SPATS2: variants seen among roughly 807,000 people sequenced by gnomAD.
The protein encoded by SPATS2 is spermatogenesis associated serine rich 2.
A neutral mutation model predicts 63.7 loss-of-function variants in SPATS2; 38 were observed. The observed-to-expected ratio is 0.60, with a 90% confidence interval of 0.46 to 0.78. SPATS2 has a LOEUF of 0.78. Among genes scored for constraint, SPATS2 ranks in the 30% least tolerant of loss-of-function variants. The pLI is 0.00. For synonymous variants in SPATS2, 207 were observed against 232.9 expected (o/e 0.89, Z 1.01); for missense variants, 588 against 666.2 (o/e 0.88, Z 1.29).
At chr12:49,392,318 A>G (rs1944432064) in intron 2 of SPATS2, among the ~76,000 whole-genome samples, 1 of 151,990 alleles carries the variant, frequency 6.6e-6, no homozygotes, top group Admixed American at 6.6e-5. Context: ...TTTTATTATT[A>G]AAGATGAGTG....
intron 4 of SPATS2, 88 bp from the exon 5 acceptor site, chr12:49,489,377 A>G (rs1038235280): frequency 5.4e-6 from 5 of 923,370 alleles, no homozygotes; most frequent in Non-Finnish European, 8.3e-6. Flanking sequence ...AAAATGAAAT[A>G]TCACTCTTTT....
At chr12:49,511,387 C>A (rs1946751514) in intron 9 of SPATS2, among the ~76,000 whole-genome samples, 1 of 151,916 alleles carries the variant, frequency 6.6e-6, no homozygotes, top group African/African-American at 2.4e-5. Context: ...CTGAATAAGG[C>A]CCAGGCTTAA....
At chr12:49,438,385 T>G (rs1436869028) in intron 2 of SPATS2, among the ~76,000 whole-genome samples, 1 of 152,252 alleles carries the variant, frequency 6.6e-6, no homozygotes, top group Non-Finnish European at 1.5e-5. Context: ...CTATTATGAA[T>G]AAAGCTGCTG....
At position 49,514,627 on chromosome 12, in the gene SPATS2, T is replaced by A; in HGVS notation, c.898+14T>A. 1 of 1,611,956 alleles carries A rather than the reference T, an allele frequency of 6.2e-7. No homozygotes were observed. On this transcript the variant is annotated intron_variant, in intron 10 of 13. Transcript: ENST00000552918. ...AAGCTGAAGCAAGTAAGATGATTGA[T>A]CTTTAATTAAAGCTATTACCTTCAT...
At chr12:49,525,880 A>G (rs1565766191) in intron 13 of SPATS2, 64 bp from the exon 14 acceptor site, 6 of 1,541,560 alleles carry the variant, frequency 3.9e-6, no homozygotes, top group African/African-American at 1.4e-5. Flanking sequence ...ATACTCCTGT[A>G]AAGTGAACGA....
intron 9 of SPATS2, among the ~76,000 whole-genome samples, chr12:49,506,676 G>A (rs767833444): frequency 1.4e-4 from 21 of 152,076 alleles, no homozygotes; most frequent in East Asian, 3.9e-4. Context: ...ATGAGATCCC[G>A]TCTTTACAGA....
intron 9 of SPATS2, among the ~76,000 whole-genome samples, chr12:49,511,196 A>C (rs1265855651): frequency 1.3e-5 from 2 of 152,088 alleles, no homozygotes; most frequent in East Asian, 3.9e-4. Context: ...CTCAAAAAAA[A>C]GAAAAAAAAA....
chr12:49,478,080 T>G (rs2137797207), intron 3 of SPATS2, among the ~76,000 whole-genome samples: 1 of 147,974 alleles, frequency 6.8e-6, no homozygotes, highest in South Asian at 2.3e-4. Flanking sequence ...GCTCAAGCAA[T>G]CCTCTTGCCT....
At position 49,525,185 on chromosome 12, in the gene SPATS2, C is replaced by G. The variant is rs559095986; in HGVS notation, c.1326+289C>G. ...AATTAGTCACACTGGGAGTCGTGCA[C>G]CCATCTCAAGGTAGACAGGCACCAC... On this transcript the variant is annotated intron_variant, in intron 13 of 13. Transcript: ENST00000552918. 5.9e-4 allele frequency among the ~76,000 whole-genome samples: 90 copies of G among 152,274 alleles called. 1 individual carries two copies. The highest frequency in any genetic ancestry group is 2.1e-3 in the African/African-American group (89 of 41,552).
intron 3 of SPATS2, among the ~76,000 whole-genome samples, chr12:49,477,462 A>T (rs1254063897): frequency 1.3e-5 from 2 of 152,220 alleles, no homozygotes; most frequent in Non-Finnish European, 2.9e-5. Context: ...GTTTTCTTGC[A>T]TTGAAGCAGA....
intron 2 of SPATS2, among the ~76,000 whole-genome samples, chr12:49,453,797 C>G (rs541551199): frequency 6.6e-6 from 1 of 151,622 alleles, no homozygotes; most frequent in Non-Finnish European, 1.5e-5. Context: ...GGAGGAAGAC[C>G]CTGGCTCTAA....
intron 2 of SPATS2, chr12:49,390,098 A>G (rs1944394187): frequency 1.4e-6 from 2 of 1,403,642 alleles, no homozygotes; most frequent in African/African-American, 1.4e-5. Context: ...AGGAAAGAAG[A>G]TGTGTCGGAA....
chr12:49,399,929 G>A (rs1322049180), intron 2 of SPATS2, among the ~76,000 whole-genome samples: 3 of 152,102 alleles, frequency 2.0e-5, no homozygotes, highest in African/African-American at 4.8e-5. Flanking sequence ...CCAGCTACTC[G>A]GGAGGCTGAG....
At chr12:49,493,351 A>T (rs1463127727) in intron 6 of SPATS2, among the ~76,000 whole-genome samples, 1 of 151,826 alleles carries the variant, frequency 6.6e-6, no homozygotes, top group Non-Finnish European at 1.5e-5. Context: ...CAATATACTC[A>T]CATGGCTCAA....
chr12:49,405,663 C>T (rs893157462), intron 2 of SPATS2, among the ~76,000 whole-genome samples: 5 of 151,352 alleles, frequency 3.3e-5, no homozygotes, highest in South Asian at 2.1e-4. Context: ...TGCAGTGAGC[C>T]GAGATCACAC....
At chr12:49,515,530 C>T (rs1045761993) in intron 10 of SPATS2, among the ~76,000 whole-genome samples, 1 of 152,216 alleles carries the variant, frequency 6.6e-6, no homozygotes, top group African/African-American at 2.4e-5. Flanking sequence ...TCCATTTTAA[C>T]TTGAAAATTT....
intron 2 of SPATS2, among the ~76,000 whole-genome samples, chr12:49,407,528 C>G (rs924364996): frequency 6.6e-6 from 1 of 152,138 alleles, no homozygotes; most frequent in Admixed American, 6.6e-5. Flanking sequence ...TTCTTCAGAA[C>G]ATTTGTGCTT....
At chr12:49,462,712 C>T (rs142020120) in intron 3 of SPATS2, 8,821 of 509,568 alleles carry the variant, frequency 0.017, 93 homozygotes, top group Middle Eastern at 0.022. Flanking sequence ...TGGTGGGGTG[C>T]GGGTAGATAA....
intron 9 of SPATS2, among the ~76,000 whole-genome samples, chr12:49,507,371 G>A (rs992910741): frequency 3.3e-5 from 5 of 152,168 alleles, no homozygotes; most frequent in African/African-American, 1.2e-4. Flanking sequence ...ATGAGCAGAG[G>A]CATAGAAGGG....
Sources: allele counts gnomAD v4.1 joint callset (sites outside exome capture counted in the v4.1 genomes callset), GRCh38; gene constraint gnomAD v4.1.1; transcripts MANE v1.5; gene names NCBI Gene and HGNC (gene_info 2026-07-23, HGNC 2026-07-21).